Variants in CSMD3 observed in about 807,000 individuals in gnomAD.
The protein encoded by CSMD3 is CUB and sushi domain-containing protein 3.
In CSMD3, 177 loss-of-function variants were observed where a neutral mutation model predicts 435.2. The ratio of observed to expected loss-of-function variants is 0.41; its 90% CI spans 0.36 to 0.46. The LOEUF (loss-of-function observed/expected upper bound fraction) is 0.46. CSMD3 is among the 20% of genes least tolerant of loss of function. The pLI is 0.34. For synonymous variants in CSMD3, 1,656 were observed against 1,520.5 expected, an observed-to-expected ratio of 1.09 and a Z score of -2.07; for missense variants, 4,265 against 4,504.6, an observed-to-expected ratio of 0.95 and a Z score of 1.52.
intron 32 of CSMD3, among the ~76,000 whole-genome samples, chr8:112,411,345 G>A (rs1241231580): frequency 6.6e-6 from 1 of 151,734 alleles, no homozygotes; most frequent in African/African-American, 2.4e-5. Flanking sequence ...TTATTAACTC[G>A]GTTGGGAGAG....
At chr8:112,339,191 C>T (rs943129429) in intron 42 of CSMD3, among the ~76,000 whole-genome samples, 1 of 152,012 alleles carries the variant, frequency 6.6e-6, no homozygotes, top group African/African-American at 2.4e-5. Context: ...GCCGAGTCCT[C>T]GTTTGCACAG....
intron 22 of CSMD3, among the ~76,000 whole-genome samples, chr8:112,598,185 A>T (rs200740495): frequency 0.05 from 5,396 of 108,942 alleles, 67 homozygotes; most frequent in African/African-American, 0.076. Context: ...GGATACAAAA[A>T]CAATGTACAA....
At chr8:113,367,995 G>T (rs1234142136) in intron 1 of CSMD3, among the ~76,000 whole-genome samples, 1 of 151,922 alleles carries the variant, frequency 6.6e-6, no homozygotes, top group Non-Finnish European at 1.5e-5. Context: ...GAGTCCTATT[G>T]CTACCTGCTG....
chr8:112,426,707 T>C (rs959892657), intron 32 of CSMD3, among the ~76,000 whole-genome samples: 1 of 152,216 alleles, frequency 6.6e-6, no homozygotes, highest in Non-Finnish European at 1.5e-5. Flanking sequence ...ATTCTGGTCA[T>C]ATAAATTATT....
intron 2 of CSMD3, chr8:113,311,990 A>G (rs1563685118): frequency 6.6e-6 from 1 of 152,152 alleles, no homozygotes; most frequent in Non-Finnish European, 1.5e-5. Flanking sequence ...ATATTTGTAT[A>G]TATTACACCT....
intron 3 of CSMD3, among the ~76,000 whole-genome samples, chr8:113,204,993 T>C (rs1301970666): frequency 1.3e-5 from 2 of 151,788 alleles, no homozygotes; most frequent in Non-Finnish European, 2.9e-5. Context: ...AACTCCTTTT[T>C]TTTTTTTGGA....
At chr8:112,662,527 A>G (rs2075411117) in intron 17 of CSMD3, among the ~76,000 whole-genome samples, 1 of 152,124 alleles carries the variant, frequency 6.6e-6, no homozygotes, top group Admixed American at 6.5e-5. Flanking sequence ...TTAATTCAAG[A>G]TGGATTAAAG....
intron 31 of CSMD3, among the ~76,000 whole-genome samples, chr8:112,481,048 T>C (rs1323396057): frequency 6.6e-6 from 1 of 152,224 alleles, no homozygotes; most frequent in African/African-American, 2.4e-5. Flanking sequence ...CCATGAATTA[T>C]GTATGCAATG....
chr8:112,897,696 G>C (rs10090477), intron 10 of CSMD3, among the ~76,000 whole-genome samples: 1,359 of 31,034 alleles, frequency 0.044, 9 homozygotes, highest in Middle Eastern at 0.14. Flanking sequence ...CTCTCTCTCT[G>C]TGTGTGTGTG....
intron 66 of CSMD3, among the ~76,000 whole-genome samples, chr8:112,238,747 G>A (rs898081571): frequency 6.7e-6 from 1 of 149,078 alleles, no homozygotes; most frequent in Non-Finnish European, 1.5e-5. Flanking sequence ...TGTTGAATTT[G>A]ATCAAATACT....
intron 59 of CSMD3, among the ~76,000 whole-genome samples, chr8:112,275,861 T>C (rs528511762): frequency 4.1e-4 from 62 of 152,252 alleles, no homozygotes; most frequent in African/African-American, 1.4e-3. Context: ...AGCCAAACCA[T>C]ATTATTCCAA....
At chr8:113,323,218 G>C (rs552385372) in intron 1 of CSMD3, among the ~76,000 whole-genome samples, 2 of 152,210 alleles carry the variant, frequency 1.3e-5, no homozygotes, top group East Asian at 3.9e-4. Flanking sequence ...AGTTTCATGA[G>C]ATTTGAGGCC....
chr8:113,373,640 T>C (rs978868134), intron 1 of CSMD3, among the ~76,000 whole-genome samples: 1 of 152,118 alleles, frequency 6.6e-6, no homozygotes, highest in Admixed American at 6.6e-5. Context: ...TTTGGGTTAA[T>C]AATTTTCCTT....
chr8:113,387,649 AT>A (rs905712078), intron 1 of CSMD3, among the ~76,000 whole-genome samples: 72 of 151,734 alleles, frequency 4.7e-4, no homozygotes, highest in African/African-American at 1.5e-3. Flanking sequence ...AGAAGAAGGA[AT>A]TTAAAAGGAG....
chr8:112,228,704 C>T (rs2129831512), intron 70 of CSMD3, 52 bp downstream of exon 70: 1 of 1,556,084 alleles, frequency 6.4e-7, no homozygotes, highest in South Asian at 1.1e-5. Context: ...GTAGAAATAA[C>T]ATGAAAAACA....
At chr8:112,895,602 A>G (rs1463587741) in intron 10 of CSMD3, among the ~76,000 whole-genome samples, 11 of 151,518 alleles carry the variant, frequency 7.3e-5, no homozygotes, top group African/African-American at 2.7e-4. Flanking sequence ...TGGCAATTGA[A>G]TGGGATTGGT....
At position 113,409,927 on chromosome 8, in the gene CSMD3, C is replaced by A. The variant is rs962174183; in HGVS notation, c.178+26750G>T. Among the ~76,000 whole-genome samples, 6 of 151,234 alleles carry A rather than the reference C, an allele frequency of 4.0e-5. No homozygotes were observed. The East Asian group carries it at 9.7e-4, about 24-fold the overall frequency. ...ACTCTCTAGACCTGGGTGGAGGGAC[C>A]AGATACAACCAGGCTTATCCCCAAG... On this transcript the variant is annotated intron_variant, in intron 1 of 70. Transcript: ENST00000297405.
intron 22 of CSMD3, among the ~76,000 whole-genome samples, chr8:112,594,656 G>C (rs574248855): frequency 3.3e-4 from 51 of 152,326 alleles, no homozygotes; most frequent in African/African-American, 1.2e-3. Context: ...CCAGCACGCA[G>C]CTGGAGATCT....
intron 22 of CSMD3, among the ~76,000 whole-genome samples, chr8:112,620,557 C>T (rs1037530211): frequency 6.6e-6 from 1 of 152,066 alleles, no homozygotes; most frequent in African/African-American, 2.4e-5. Context: ...TGTCACAGTA[C>T]CCTCCTTTCT....
Sources: gnomAD v4.1 joint callset for allele counts (sites outside exome capture counted in the v4.1 genomes callset) on GRCh38, gnomAD v4.1.1 for gene constraint, MANE v1.5 for transcripts, NCBI Gene and HGNC (gene_info 2026-07-23, HGNC 2026-07-21) for gene names.